EPHA6: variants seen among roughly 807,000 people sequenced by gnomAD.
The protein encoded by EPHA6 is EPH receptor A6.
A neutral mutation model predicts 112.0 loss-of-function variants in EPHA6; 50 were observed. The ratio of observed to expected loss-of-function variants is 0.45; its 90% confidence interval spans 0.36 to 0.56. The LOEUF (loss-of-function observed/expected upper bound fraction) is 0.56, where lower values mean the gene tolerates loss of function less well. Among genes scored for constraint, EPHA6 ranks in the 20% least tolerant of loss-of-function variants. The probability of loss-of-function intolerance (pLI) is 0.00; values close to 1 mark genes in which losing one functional copy is unlikely to be tolerated. For synonymous variants in EPHA6, 529 were observed against 490.7 expected (o/e 1.08, Z -1.03); for missense variants, 1,280 against 1,417.4 (o/e 0.90, Z 1.56).
chr3:97,001,021 T>C (rs2043640074), intron 3 of EPHA6, among the ~76,000 whole-genome samples: 1 of 148,336 alleles, frequency 6.7e-6, no homozygotes, highest in Non-Finnish European at 1.5e-5. Flanking sequence ...GAAATTGATA[T>C]ATATATATAT....
chr3:96,866,330 T>C (rs1381680170), intron 1 of EPHA6, among the ~76,000 whole-genome samples: 2 of 152,034 alleles, frequency 1.3e-5, no homozygotes, highest in African/African-American at 4.8e-5. Context: ...TATATAATAA[T>C]AATGTAGTCA....
rs757170396 is a variant in EPHA6, at chr3:97,736,138, G to GT, written c.3128+27dup. 4 of 1,580,606 alleles carry GT rather than the reference G, an allele frequency of 2.5e-6. No homozygotes were observed. The highest frequency in any genetic ancestry group is 3.5e-6 in the Non-Finnish European group (4 of 1,158,926). On this transcript the variant is annotated intron_variant, in intron 16 of 17. Coordinates refer to ENST00000389672, the MANE Select transcript of EPHA6 (RefSeq NM_001080448.3). ...CCTTGTGTAAGAGGCATAATGTTGA[G>GT]TTTTTTTCTTCTTGACAATTATGGT...
At chr3:96,940,604 G>T (rs1243960655) in intron 2 of EPHA6, among the ~76,000 whole-genome samples, 1 of 152,076 alleles carries the variant, frequency 6.6e-6, no homozygotes, top group Admixed American at 6.6e-5. Context: ...TTACATTTAA[G>T]GTTAATATTG....
chr3:97,077,167 T>C (rs887178279), intron 3 of EPHA6, among the ~76,000 whole-genome samples: 16 of 152,240 alleles, frequency 1.1e-4, no homozygotes, highest in African/African-American at 3.9e-4. Flanking sequence ...ATTGAAAACT[T>C]CCTGGAAAAA....
At chr3:97,085,927 T>TTGTATATATATATATA (rs1559718504) in intron 3 of EPHA6, among the ~76,000 whole-genome samples, 1 of 103,966 alleles carries the variant, frequency 9.6e-6, no homozygotes, top group African/African-American at 9.3e-5. Context: ...ATATATGATG[T>TTGTATATATATATATA]CATATATATA....
intron 2 of EPHA6, among the ~76,000 whole-genome samples, chr3:96,903,264 T>C (rs1440910144): frequency 6.6e-6 from 1 of 152,152 alleles, no homozygotes; most frequent in African/African-American, 2.4e-5. Context: ...CCAGCATGGC[T>C]GGTGCAGAGG....
At chr3:97,040,108 A>G (rs528669485) in intron 3 of EPHA6, among the ~76,000 whole-genome samples, 1 of 151,354 alleles carries the variant, frequency 6.6e-6, no homozygotes, top group African/African-American at 2.4e-5. Context: ...TATTATAATG[A>G]TTAATTATAA....
chr3:97,176,405 G>T (rs1022368623), intron 3 of EPHA6, among the ~76,000 whole-genome samples: 2 of 151,734 alleles, frequency 1.3e-5, no homozygotes, highest in Admixed American at 1.3e-4. Flanking sequence ...GATAATACTG[G>T]GCTCATAGAA....
At chr3:97,487,607 A>G (rs72930136) in intron 10 of EPHA6, among the ~76,000 whole-genome samples, 16,068 of 152,270 alleles carry the variant, frequency 0.11, 1,064 homozygotes, top group Admixed American at 0.23. Flanking sequence ...ATTTTTCTGT[A>G]CATATATTCT....
At chr3:96,836,250 C>G (rs1222573625) in intron 1 of EPHA6, among the ~76,000 whole-genome samples, 5 of 152,020 alleles carry the variant, frequency 3.3e-5, no homozygotes, top group African/African-American at 1.2e-4. Context: ...CTGAAGTTTG[C>G]TAATTTATTG....
chr3:97,468,543 T>A (rs1023172495), intron 7 of EPHA6, among the ~76,000 whole-genome samples: 2 of 151,592 alleles, frequency 1.3e-5, no homozygotes, highest in African/African-American at 4.8e-5. Context: ...GATATCAGTA[T>A]AATACTAAGT....
chr3:97,527,874 G>A (rs1207645356), intron 10 of EPHA6, among the ~76,000 whole-genome samples: 1 of 152,066 alleles, frequency 6.6e-6, no homozygotes, highest in African/African-American at 2.4e-5. Flanking sequence ...AGGTTCTTTG[G>A]CTAGGAAATC....
At chr3:97,175,890 T>C (rs564101142) in intron 3 of EPHA6, among the ~76,000 whole-genome samples, 51 of 152,012 alleles carry the variant, frequency 3.4e-4, no homozygotes, top group African/African-American at 1.1e-3. Context: ...TAGATGCCCT[T>C]TATAACCTTC....
chr3:97,634,816 C>T (rs2093932203), intron 13 of EPHA6, among the ~76,000 whole-genome samples: 1 of 152,058 alleles, frequency 6.6e-6, no homozygotes, highest in Non-Finnish European at 1.5e-5. Flanking sequence ...CCTGCTGCTG[C>T]CCAATCCTGC....
intron 2 of EPHA6, among the ~76,000 whole-genome samples, chr3:96,981,417 A>G (rs1048918526): frequency 2.0e-5 from 3 of 152,092 alleles, no homozygotes; most frequent in African/African-American, 7.2e-5. Context: ...ATCATGGTGG[A>G]TAAGCTTTTT....
At chr3:96,851,341 A>T (rs1052067631) in intron 1 of EPHA6, among the ~76,000 whole-genome samples, 2 of 152,180 alleles carry the variant, frequency 1.3e-5, no homozygotes, top group Non-Finnish European at 2.9e-5. Flanking sequence ...TTCCAATTAG[A>T]AGCAAAACTG....
At chr3:97,398,364 T>C (rs1324307429) in intron 5 of EPHA6, among the ~76,000 whole-genome samples, 1 of 151,516 alleles carries the variant, frequency 6.6e-6, no homozygotes, top group African/African-American at 2.4e-5. Flanking sequence ...AATTTATCCA[T>C]CAAGCACGAT....
chr3:97,010,533 G>A (rs77248101), intron 3 of EPHA6, among the ~76,000 whole-genome samples: 3,594 of 152,116 alleles, frequency 0.024, 149 homozygotes, highest in African/African-American at 0.082. Flanking sequence ...TTATTTTTTA[G>A]CCATATATTA....
intron 3 of EPHA6, among the ~76,000 whole-genome samples, chr3:97,025,734 G>A (rs927998849): frequency 6.6e-6 from 1 of 152,018 alleles, no homozygotes; most frequent in Non-Finnish European, 1.5e-5. Flanking sequence ...GACTGCAGGT[G>A]CACACCACCA....
Sources: gnomAD v4.1 joint callset for allele counts (sites outside exome capture counted in the v4.1 genomes callset) on GRCh38, gnomAD v4.1.1 for gene constraint, MANE v1.5 for transcripts, NCBI Gene and HGNC (gene_info 2026-07-23, HGNC 2026-07-21) for gene names.